The following EP400 variants were observed in gnomAD, a reference collection of about 807,000 sequenced individuals.
EP400 encodes E1A binding protein p400.
EP400 carries 105 observed loss-of-function variants against 354.1 expected under a neutral mutation model. That is an observed-to-expected ratio of 0.30 (90% CI 0.25 to 0.35). The LOEUF (loss-of-function observed/expected upper bound fraction) is 0.35. EP400 is among the 10% of genes least tolerant of loss of function. The probability of loss-of-function intolerance (pLI) is 1.00; values close to 1 mark genes in which losing one functional copy is unlikely to be tolerated. For synonymous variants in EP400, 1,646 were observed against 1,716.9 expected (o/e 0.96, Z 1.02); for missense variants, 3,280 against 4,121.0 (o/e 0.80, Z 5.59).
In EP400 at chr12:132,018,440, C is replaced by A; in HGVS notation, c.4277+64C>A. The A allele has an allele frequency of 1.3e-6, 2 of 1,536,044 alleles. No individual in the cohort carries two copies. Among genetic ancestry groups the A allele is most frequent in the Non-Finnish European group, 1.7e-6 (2 of 1,147,146 alleles). The stretch of plus-strand genomic sequence containing the variant: ...CAGGGCCCCCACAGCTGACCCAGGT[C>A]TATGCGTGGTGAAAAGAAAGGCTGC... On this transcript the variant is annotated intron_variant, in intron 21 of 52. Coordinates refer to ENST00000389561, the MANE Select transcript of EP400 (RefSeq NM_015409.5). This position sits in a 1 kb window ranked among gnomAD's most constrained non-coding sequence, Gnocchi z 4.0.
chr12:131,960,707 G>GGGGGGGCCCC lies in EP400; in HGVS notation c.88_89insGGGGGGCCCC (p.Ala30GlyfsTer38). On this transcript the variant is annotated frameshift_variant, in exon 2 of 53. Coordinates refer to ENST00000389561, the MANE Select transcript of EP400 (RefSeq NM_015409.5). LOFTEE classifies it high-confidence loss of function. ...TGGCAGCGAGGGTGAGGAGCAGCCG[G>GGGGGGGCCCC]CCCACCCCAACCCACCCCCGTCCCC... The GGGGGGGCCCC allele has an allele frequency of 6.5e-7, 1 of 1,545,590 alleles. No homozygotes were observed. Among genetic ancestry groups the GGGGGGGCCCC allele is most frequent in the Non-Finnish European group, 8.7e-7 (1 of 1,146,246 alleles).
intron 30 of EP400, among the ~76,000 whole-genome samples, chr12:132,032,640 C>CT (rs920798941): frequency 7.0e-5 from 6 of 85,738 alleles, no homozygotes; most frequent in African/African-American, 8.4e-5. Context: ...TTTTTTTTTT[C>CT]TTTTTTTTGA....
At chr12:132,063,214 T>G (rs1565933641) in intron 47 of EP400, among the ~76,000 whole-genome samples, 1 of 152,216 alleles carries the variant, frequency 6.6e-6, no homozygotes, top group Non-Finnish European at 1.5e-5. Context: ...ATATATTCAT[T>G]TTCAAAGGAA....
Position 132,025,116 on chromosome 12 carries a change from C to T in EP400, c.4856-530C>T, listed in dbSNP as rs140312097. The stretch of plus-strand genomic sequence containing the variant: ...ATTTTTTGGCCCACAGAGGCTGGGT[C>T]GCTTGGTAACATCTCTGATGGCCGC... On this transcript the variant is annotated intron_variant, in intron 24 of 52. Transcript: ENST00000389561. The surrounding 1 kb of genome is among the most constrained non-coding windows in gnomAD (Gnocchi z 4.1). 2.6e-4 allele frequency among the ~76,000 whole-genome samples: 39 copies of T among 152,036 alleles called. No homozygotes were observed. The East Asian group carries it at 6.2e-3, about 24-fold the overall frequency.
chr12:131,985,566 T>C (rs972444257), intron 5 of EP400, among the ~76,000 whole-genome samples: 2 of 152,208 alleles, frequency 1.3e-5, no homozygotes, highest in African/African-American at 4.8e-5. Flanking sequence ...TCGCAGCAGT[T>C]CTCTGTGACT....
At chr12:132,076,107 C>G (rs565447691) in intron 51 of EP400, 6 of 226,170 alleles carry the variant, frequency 2.7e-5, no homozygotes, top group Admixed American at 4.9e-5. Context: ...CTTCAGCTGG[C>G]TGCCCTAGCT....
chr12:132,013,725 G>A lies in EP400; in HGVS notation c.3787-52G>A, dbSNP rs1177172895. Reference sequence around the variant, plus strand: ...AACATGCGTATGCCTTGTTATAAACGTGTTACAGCAGCATTTTTGGAAAGA... The same window carrying A: ...AACATGCGTATGCCTTGTTATAAACATGTTACAGCAGCATTTTTGGAAAGA... On this transcript the variant is annotated intron_variant, in intron 18 of 52. Coordinates refer to ENST00000389561, the MANE Select transcript of EP400 (RefSeq NM_015409.5). The surrounding 1 kb of genome is among the most constrained non-coding windows in gnomAD (Gnocchi z 4.5). 1.1e-5 allele frequency: 18 copies of A among 1,610,362 alleles called. 1 individual carries two copies. The East Asian group carries it at 1.8e-4, about 16-fold the overall frequency.
Position 132,053,209 on chromosome 12 carries a change from C to T in EP400, c.7458C>T (p.Ile2486=), listed in dbSNP as rs765216315. ...IQVASLRAER[I]AKEKKALADQ... ...TGGCATCTCTCCGTGCAGAGCGAAT[C>T]GCAAAAGAGAAAAAGGTCAGCGCCC... The change falls in exon 42 of 53, where the codon ATC becomes ATT. Residue 2486 remains isoleucine, a synonymous_variant. Coordinates refer to ENST00000389561, the MANE Select transcript of EP400 (RefSeq NM_015409.5). The T allele has an allele frequency of 3.8e-5, 61 of 1,613,754 alleles. No homozygotes were observed. The highest frequency in any genetic ancestry group is 2.0e-4 in the South Asian group (18 of 91,078).
At chr12:131,963,608 C>T (rs1891975200) in intron 2 of EP400, 3 of 1,598,294 alleles carry the variant, frequency 1.9e-6, no homozygotes, top group Non-Finnish European at 2.5e-6. Context: ...CCAAAGGTTT[C>T]TGCTGCTTTT....
At chr12:131,967,551 G>C (rs116280126) in intron 2 of EP400, among the ~76,000 whole-genome samples, 1 of 151,734 alleles carries the variant, frequency 6.6e-6, no homozygotes, top group East Asian at 1.9e-4. Context: ...TTAGCCAGGC[G>C]TAGTGGCGTG....
intron 1 of EP400, among the ~76,000 whole-genome samples, chr12:131,952,130 C>T (rs1446931406): frequency 6.6e-6 from 1 of 150,686 alleles, no homozygotes; most frequent in Admixed American, 6.6e-5. Flanking sequence ...TTTCACCCCC[C>T]ATCTCTACTA....
At chr12:131,981,703 G>A (rs1245364725) in intron 4 of EP400, 107 bp downstream of exon 4, 6 of 880,298 alleles carry the variant, frequency 6.8e-6, no homozygotes, top group Non-Finnish European at 1.1e-5. Context: ...TAGCGTGTTT[G>A]CAGTGGGGTG....
At chr12:131,995,099 C>T (rs1434102968) in intron 12 of EP400, 143 bp downstream of exon 12, 3 of 739,952 alleles carry the variant, frequency 4.1e-6, no homozygotes, top group Non-Finnish European at 6.6e-6. Context: ...TCCTGCTGCT[C>T]TCTCTCCTGA....
In EP400 at chr12:132,018,149, G is replaced by A. The variant is rs1894006882; in HGVS notation, c.4111-61G>A. On this transcript the variant is annotated intron_variant, in intron 20 of 52. Transcript: ENST00000389561. The surrounding 1 kb of genome is among the most constrained non-coding windows in gnomAD (Gnocchi z 4.0). ...GGGCCCTGCCATAGAAATCAGTTTT[G>A]ATTCTTAGGTGCTTTTTTTGCCTCT... 1.9e-6 allele frequency: 3 copies of A among 1,593,486 alleles called. No homozygotes were observed. The South Asian group carries it at 3.4e-5, about 18-fold the overall frequency.
intron 2 of EP400, among the ~76,000 whole-genome samples, chr12:131,966,112 G>T (rs915088693): frequency 1.3e-5 from 2 of 152,042 alleles, no homozygotes; most frequent in African/African-American, 4.8e-5. Context: ...CCGTCCGGCC[G>T]GGTGCAGTGG....
At chr12:132,006,423 G>A in intron 14 of EP400, 121 bp downstream of exon 14, 1 of 1,238,932 alleles carries the variant, frequency 8.1e-7, no homozygotes, top group South Asian at 1.6e-5. Context: ...AGAGTTGTCA[G>A]AAAAAGCAAT....
chr12:131,957,714 G>C (rs1416504715), intron 1 of EP400, among the ~76,000 whole-genome samples: 2 of 151,976 alleles, frequency 1.3e-5, no homozygotes, highest in Non-Finnish European at 1.5e-5. Flanking sequence ...TTCTGCCTCA[G>C]CCTCCCAAGT....
intron 48 of EP400, chr12:132,065,586 G>A (rs997857537): frequency 1.3e-5 from 2 of 152,286 alleles, no homozygotes; most frequent in Admixed American, 6.5e-5. Flanking sequence ...AGAAACTGAG[G>A]CATGTAGGCT....
At chr12:132,049,320 C>A (rs2136585142) in intron 39 of EP400, among the ~76,000 whole-genome samples, 1 of 152,374 alleles carries the variant, frequency 6.6e-6, no homozygotes, top group South Asian at 2.1e-4. Context: ...CACCCCTTCT[C>A]CCTGCTTCCC....
Sources: gnomAD v4.1 joint callset for allele counts (sites outside exome capture counted in the v4.1 genomes callset) on GRCh38, gnomAD v4.1.1 for gene constraint, Gnocchi (gnomAD v3.1) non-coding constraint, MANE v1.5 for transcripts, NCBI Gene and HGNC (gene_info 2026-07-23, HGNC 2026-07-21) for gene names.